CREB3L1: variants seen among roughly 807,000 people sequenced by gnomAD.
CREB3L1 encodes cAMP responsive element binding protein 3 like 1, also known as cyclic AMP-responsive element-binding protein 3-like protein 1.
CREB3L1 carries 33 observed loss-of-function variants against 54.5 expected under a neutral mutation model. The ratio of observed to expected loss-of-function variants is 0.61; its 90% CI spans 0.46 to 0.81. CREB3L1 has a LOEUF of 0.81. Ranked by LOEUF, CREB3L1 falls within the 30% of genes least tolerant of loss-of-function variation. CREB3L1 has a pLI of 0.00. For synonymous variants in CREB3L1, 284 were observed against 286.4 expected (o/e 0.99, Z 0.08); for missense variants, 656 against 673.3 (o/e 0.97, Z 0.29).
chr11:46,290,208 G>T (rs1405921942), intron 1 of CREB3L1, among the ~76,000 whole-genome samples: 2 of 152,088 alleles, frequency 1.3e-5, no homozygotes, highest in Non-Finnish European at 2.9e-5. Context: ...TCCTCTTTGG[G>T]GCTGGGAGCT....
chr11:46,296,898 G>A (rs1163590069), intron 1 of CREB3L1, among the ~76,000 whole-genome samples: 1 of 152,172 alleles, frequency 6.6e-6, no homozygotes, highest in African/African-American at 2.4e-5. Context: ...AGTTTCCTGT[G>A]GGCACCCTAA....
At chr11:46,290,175 G>A (rs544375886) in intron 1 of CREB3L1, among the ~76,000 whole-genome samples, 4 of 152,242 alleles carry the variant, frequency 2.6e-5, no homozygotes, top group Admixed American at 6.5e-5. Context: ...AGGCAACTCC[G>A]CCCTTGCAAA....
chr11:46,310,999 C>G, intron 4 of CREB3L1, 33 bp from the exon 5 acceptor site: 3 of 1,536,198 alleles, frequency 2.0e-6, no homozygotes, highest in Non-Finnish European at 2.6e-6. Context: ...TGATGTGCAA[C>G]GTTGCTAACT....
chr11:46,315,202 TC>T (rs1939548860), intron 8 of CREB3L1: 1 of 337,196 alleles, frequency 3.0e-6, no homozygotes, highest in African/African-American at 2.2e-5. Context: ...ACTCCTCTGT[TC>T]CCTGATTGGC....
In CREB3L1 at chr11:46,314,237, CAA is replaced by C. The variant is rs1262951906; in HGVS notation, c.1031+1332_1031+1333del. 2.8e-3 allele frequency among the ~76,000 whole-genome samples: 236 copies of C among 83,358 alleles called. 3 individuals carry two copies. The highest frequency in any genetic ancestry group is 4.2e-3 in the Non-Finnish European group (167 of 39,452). The allele number at this position is 83,358 out of a possible 152,430, so 54.7% of individuals were successfully genotyped here. The stretch of plus-strand genomic sequence containing the variant: ...TGGGTGGCAGAGTGAGACTCTGTCT[CAA>C]AAAAAAAAAAAAAGAAAGAAAAGAA... On this transcript the variant is annotated intron_variant, in intron 8 of 11. Coordinates refer to ENST00000621158, the MANE Select transcript of CREB3L1 (RefSeq NM_052854.4).
At chr11:46,308,071 C>G in intron 3 of CREB3L1, 71 bp downstream of exon 3, 1 of 1,335,736 alleles carries the variant, frequency 7.5e-7, no homozygotes, top group African/African-American at 1.5e-5. Context: ...AAGAGGTGCC[C>G]AAAGCCCTGT....
intron 1 of CREB3L1, among the ~76,000 whole-genome samples, chr11:46,287,734 T>G (rs7113904): frequency 0.35 from 53,205 of 151,816 alleles, 11,423 homozygotes; most frequent in African/African-American, 0.61. Flanking sequence ...TCCTAGCACT[T>G]TGGGAGGCCG....
At position 46,320,329 on chromosome 11, in the gene CREB3L1, C is replaced by G. The variant is rs1357792951; in HGVS notation, c.1324C>G (p.Leu442Val). ...CTTATGGGAAGATGGCCGCAGCACC[C>G]TGCTGCCCATGGAGCCCCCAGATGG... is the stretch of plus-strand genomic sequence containing the variant. The part of the protein sequence containing the change: ...AGLWEDGRST[L>V]LPMEPPDGWE... Residue 442 changes from leucine to valine, a missense_variant, in exon 11 of 12, where the codon CTG (leucine) becomes GTG (valine). Around this residue, in one of 3 missense-constraint regions of CREB3L1, gnomAD observed 240 missense variants for 219.8 expected, o/e 1.09. Transcript: ENST00000621158. 1 of 1,612,912 alleles carries G rather than the reference C, an allele frequency of 6.2e-7. No individual in the cohort carries two copies. The highest frequency in any genetic ancestry group is 1.7e-5 in the Admixed American group (1 of 59,858).
intron 10 of CREB3L1, among the ~76,000 whole-genome samples, chr11:46,318,203 G>A (rs1000054123): frequency 7.0e-6 from 1 of 142,198 alleles, no homozygotes; most frequent in African/African-American, 3.0e-5. Flanking sequence ...GGGTGACAGA[G>A]TGAGACTCCA....
intron 1 of CREB3L1, among the ~76,000 whole-genome samples, chr11:46,291,408 C>A (rs1005690522): frequency 6.6e-6 from 1 of 152,092 alleles, no homozygotes; most frequent in African/African-American, 2.4e-5. Flanking sequence ...ATGAACGTTC[C>A]CATTTTATAC....
chr11:46,312,806 A>G (rs745756760), intron 7 of CREB3L1, 45 bp from the exon 8 acceptor site: 7 of 1,559,782 alleles, frequency 4.5e-6, no homozygotes, highest in Non-Finnish European at 6.1e-6. Flanking sequence ...AGCTGTTGTG[A>G]GTCTGGGGGC....
intron 1 of CREB3L1, among the ~76,000 whole-genome samples, chr11:46,289,105 C>T (rs952000376): frequency 3.9e-5 from 6 of 152,118 alleles, no homozygotes; most frequent in African/African-American, 1.4e-4. Flanking sequence ...CGGCCAGGCG[C>T]GGTGGCTCAC....
chr11:46,280,934 T>G (rs898211783), intron 1 of CREB3L1, among the ~76,000 whole-genome samples: 4 of 152,196 alleles, frequency 2.6e-5, no homozygotes, highest in African/African-American at 9.7e-5. Flanking sequence ...ATAAATCATG[T>G]GGAAATCATG....
intron 9 of CREB3L1, 46 bp from the exon 10 acceptor site, chr11:46,317,315 G>T (rs1939582218): frequency 6.2e-7 from 1 of 1,610,138 alleles, no homozygotes; most frequent in Non-Finnish European, 8.5e-7. Context: ...CAGGGCCGTG[G>T]CCCCTCCTTA....
At chr11:46,320,665 G>A in intron 11 of CREB3L1, 45 bp from the exon 12 acceptor site, 1 of 1,596,216 alleles carries the variant, frequency 6.3e-7, no homozygotes, top group East Asian at 2.3e-5. Flanking sequence ...GAGGGTAAGA[G>A]GGTTCCTGCT....
Position 46,300,059 on chromosome 11 carries a change from A to T in CREB3L1, c.227A>T (p.Asp76Val). Residue 76 changes from aspartate to valine, a missense_variant, in exon 2 of 12, where the codon GAC (aspartate) becomes GTC (valine). Physicochemically the swap from Asp to Val is radical, Grantham distance 152. Transcript: ENST00000621158. ...EKSPLLDMEL[D>V]SPTPGIQAEH... The stretch of plus-strand genomic sequence containing the variant: ...AGCCCTCTATTGGACATGGAACTGG[A>T]CTCCCCTACGCCAGGCATCCAGGCG... 1 of 1,613,434 alleles carries T rather than the reference A, an allele frequency of 6.2e-7. No homozygotes were observed. Among genetic ancestry groups the T allele is most frequent in the South Asian group, 1.1e-5 (1 of 91,044 alleles).
chr11:46,287,815 A>C (rs959670635), intron 1 of CREB3L1, among the ~76,000 whole-genome samples: 2 of 151,886 alleles, frequency 1.3e-5, no homozygotes, highest in African/African-American at 4.8e-5. Context: ...ATCTCTACTA[A>C]AAATACAAAA....
At chr11:46,289,936 C>T (rs988424837) in intron 1 of CREB3L1, among the ~76,000 whole-genome samples, 1 of 152,168 alleles carries the variant, frequency 6.6e-6, no homozygotes, top group Non-Finnish European at 1.5e-5. Flanking sequence ...GTCCATCAGG[C>T]GGATCTCAGC....
At position 46,309,811 on chromosome 11, in the gene CREB3L1, G is replaced by T. The variant is rs72910057; in HGVS notation, c.517-178G>T. On this transcript the variant is annotated intron_variant, in intron 3 of 11. Transcript: ENST00000621158. ...AATCCTTTCTCTTAGGTGTGACTTG[G>T]CTTCTTTAAGCTCAAGAGCTTGCCT... is the stretch of plus-strand genomic sequence containing the variant. 0.075 allele frequency among the ~76,000 whole-genome samples: 11,366 copies of T among 152,270 alleles called. 622 individuals carry two copies. Among genetic ancestry groups the T allele is most frequent in the Middle Eastern group, 0.14 (40 of 294 alleles).
Sources: allele counts gnomAD v4.1 joint callset (sites outside exome capture counted in the v4.1 genomes callset), GRCh38; gene constraint gnomAD v4.1.1; regional missense constraint gnomAD v4.1.1; transcripts MANE v1.5; gene names NCBI Gene and HGNC (gene_info 2026-07-23, HGNC 2026-07-21).